Variants in AGBL1 observed in about 807,000 individuals in gnomAD.
The protein encoded by AGBL1 is AGBL carboxypeptidase 1.
In AGBL1, 130 loss-of-function variants were observed where a neutral mutation model predicts 118.9. The ratio of observed to expected loss-of-function variants is 1.09; its 90% CI spans 0.95 to 1.26. AGBL1 has a LOEUF of 1.26. Ranked by LOEUF, AGBL1 falls within the 50% of genes most tolerant of loss-of-function variation. The probability of loss-of-function intolerance (pLI) is 0.00; values close to 1 mark genes in which losing one functional copy is unlikely to be tolerated. For synonymous variants in AGBL1, 555 were observed against 478.9 expected, an observed-to-expected ratio of 1.16 and a Z score of -2.08; for missense variants, 1,584 against 1,298.1, an observed-to-expected ratio of 1.22 and a Z score of -3.38.
intron 5 of AGBL1, among the ~76,000 whole-genome samples, chr15:86,191,600 A>C (rs1349127612): frequency 6.6e-6 from 1 of 152,078 alleles, no homozygotes; most frequent in Non-Finnish European, 1.5e-5. Context: ...CTTTCTGAAT[A>C]GAAAGAGAGA....
At chr15:86,918,839 A>G (rs536034208), downstream of AGBL1, among the ~76,000 whole-genome samples, 1 of 152,372 alleles carries the variant, frequency 6.6e-6, no homozygotes, top group South Asian at 2.1e-4. Context: ...TTAAGTAAAC[A>G]TCATAGAGAA....
At chr15:86,625,202 G>A (rs1363799970) in intron 21 of AGBL1, among the ~76,000 whole-genome samples, 6 of 152,074 alleles carry the variant, frequency 3.9e-5, no homozygotes, top group Non-Finnish European at 7.4e-5. Flanking sequence ...TTCAGCCACT[G>A]AATCCACAGA....
At chr15:86,806,560 G>T (rs573621167) in intron 22 of AGBL1, among the ~76,000 whole-genome samples, 1 of 152,124 alleles carries the variant, frequency 6.6e-6, no homozygotes, top group Non-Finnish European at 1.5e-5. Flanking sequence ...TCCAAATTCT[G>T]GTTCTAACAC....
intron 21 of AGBL1, among the ~76,000 whole-genome samples, chr15:86,569,818 G>T (rs1322669904): frequency 6.6e-6 from 1 of 152,184 alleles, no homozygotes; most frequent in Admixed American, 6.5e-5. Context: ...GTAGAAAATT[G>T]TTCCTTCTAT....
At chr15:86,584,773 A>T (rs1473967372) in intron 21 of AGBL1, among the ~76,000 whole-genome samples, 1 of 152,192 alleles carries the variant, frequency 6.6e-6, no homozygotes, top group Non-Finnish European at 1.5e-5. Context: ...TTCTTTGGGC[A>T]GCAGGGTCAT....
chr15:86,627,548 G>A (rs147572098), intron 21 of AGBL1, among the ~76,000 whole-genome samples: 265 of 152,288 alleles, frequency 1.7e-3, no homozygotes, highest in Non-Finnish European at 2.4e-3. Context: ...GTGGGAAAAC[G>A]AAGGTGCTGT....
At chr15:86,311,828 G>A (rs757227256) in intron 17 of AGBL1, among the ~76,000 whole-genome samples, 8 of 152,176 alleles carry the variant, frequency 5.3e-5, no homozygotes, top group Non-Finnish European at 8.8e-5. Context: ...GCTGCGGAAG[G>A]AGCTTGTTCC....
chr15:86,982,234 A>C (rs1028924591), intron 23 of AGBL1, among the ~76,000 whole-genome samples: 5 of 152,166 alleles, frequency 3.3e-5, no homozygotes, highest in African/African-American at 1.2e-4. Context: ...ATGGTTTTAA[A>C]ATTGTCAAAT....
chr15:86,313,167 T>C (rs1681232537), intron 17 of AGBL1, among the ~76,000 whole-genome samples: 1 of 152,194 alleles, frequency 6.6e-6, no homozygotes, highest in Admixed American at 6.5e-5. Flanking sequence ...ACACCTGAAT[T>C]TGAATCATGG....
At chr15:86,843,258 G>A (rs2079270490) in intron 22 of AGBL1, among the ~76,000 whole-genome samples, 1 of 152,110 alleles carries the variant, frequency 6.6e-6, no homozygotes, top group Non-Finnish European at 1.5e-5. Flanking sequence ...AGCTTTGAGG[G>A]CCCTGCTGTA....
At chr15:86,321,623 A>AG (rs1254253773) in intron 17 of AGBL1, among the ~76,000 whole-genome samples, 1 of 151,760 alleles carries the variant, frequency 6.6e-6, no homozygotes, top group Non-Finnish European at 1.5e-5. Flanking sequence ...ACAAAAAAAA[A>AG]AAAATTAGTT....
chr15:86,113,340 T>G (rs763658862), intron 1 of AGBL1, among the ~76,000 whole-genome samples: 2 of 147,686 alleles, frequency 1.4e-5, no homozygotes, highest in Non-Finnish European at 3.0e-5. Flanking sequence ...CAGGCTGGAG[T>G]GCAGTGGCAC....
At position 86,281,068 on chromosome 15, in the gene AGBL1, C is replaced by T. The variant is rs529380987; in HGVS notation, c.2220+1285C>T. ...TTCAACAGCTGTTTTTATGGTCTTG[C>T]CTGTGAAACACTGCACATGAAAAGT... On this transcript the variant is annotated intron_variant, in intron 16 of 22. Coordinates refer to ENST00000614907, the MANE Select transcript of AGBL1 (RefSeq NM_001386094.1). Among the ~76,000 whole-genome samples, 5 of 152,204 alleles carry T rather than the reference C, an allele frequency of 3.3e-5. No individual in the cohort carries two copies. In the South Asian group the frequency reaches 1.0e-3, roughly 32 times the overall value.
chr15:86,348,000 G>C (rs931548973), intron 17 of AGBL1, among the ~76,000 whole-genome samples: 5 of 152,230 alleles, frequency 3.3e-5, no homozygotes, highest in African/African-American at 1.2e-4. Flanking sequence ...GGCTGGGTAA[G>C]AGCCATTCTT....
chr15:86,735,668 A>ATATATATATATT (rs1474387622), intron 22 of AGBL1, among the ~76,000 whole-genome samples: 1 of 150,432 alleles, frequency 6.6e-6, no homozygotes, highest in Non-Finnish European at 1.5e-5. Context: ...ATATATATAT[A>ATATATATATATT]TTTTATTTGT....
intron 22 of AGBL1, among the ~76,000 whole-genome samples, chr15:86,832,261 C>G (rs1052045260): frequency 6.6e-6 from 1 of 152,202 alleles, no homozygotes; most frequent in Admixed American, 6.5e-5. Flanking sequence ...ACATTTGGCT[C>G]TTCGTTACTT....
intron 24 of AGBL1, among the ~76,000 whole-genome samples, chr15:87,021,629 G>GAACTT (rs1207072526): frequency 1.3e-5 from 2 of 152,042 alleles, no homozygotes; most frequent in African/African-American, 4.8e-5. Context: ...AGTCTATAAG[G>GAACTT]AACTTAAGCA....
intron 1 of AGBL1, among the ~76,000 whole-genome samples, chr15:86,100,830 G>A (rs959985802): frequency 2.0e-5 from 3 of 151,718 alleles, no homozygotes; most frequent in East Asian, 1.9e-4. Context: ...TTTTCATTTT[G>A]TTGACCCTTA....
chr15:86,918,145 G>T (rs1439916602), downstream of AGBL1, among the ~76,000 whole-genome samples: 1 of 152,188 alleles, frequency 6.6e-6, no homozygotes, highest in Non-Finnish European at 1.5e-5. Flanking sequence ...GAATATGATG[G>T]TAATGATAAT....
Sources: allele counts gnomAD v4.1 joint callset (sites outside exome capture counted in the v4.1 genomes callset), GRCh38; gene constraint gnomAD v4.1.1; transcripts MANE v1.5; gene names NCBI Gene and HGNC (gene_info 2026-07-23, HGNC 2026-07-21).